TCF20: variants seen among roughly 807,000 people sequenced by gnomAD.
The protein encoded by TCF20 is SPRE-binding protein.
A neutral mutation model predicts 148.6 loss-of-function variants in TCF20; 3 were observed. The observed-to-expected ratio is 0.02, with a 90% CI of 0.01 to 0.05. The LOEUF is 0.05. TCF20 is among the 10% of genes least tolerant of loss of function. The pLI is 1.00. For synonymous variants in TCF20, 1,049 were observed against 909.5 expected (o/e 1.15, Z -2.76); for missense variants, 2,350 against 2,429.3 (o/e 0.97, Z 0.69).
chr22:42,219,351 G>C (rs892796454), intron 1 of TCF20, among the ~76,000 whole-genome samples: 34 of 22,314 alleles, frequency 1.5e-3, no homozygotes, highest in African/African-American at 0.011. Flanking sequence ...CAGTAACCCT[G>C]TCTCAAAAAA....
chr22:42,209,789 C>G lies in TCF20; in HGVS notation c.5517G>C (p.Glu1839Asp), dbSNP rs1920925925. The G allele has an allele frequency of 6.2e-7, 1 of 1,614,096 alleles. No homozygotes were observed. The highest frequency in any genetic ancestry group is 8.5e-7 in the Non-Finnish European group (1 of 1,180,052). Residue 1839 changes from glutamate to aspartate, a missense_variant, in exon 2 of 6, where the codon GAG becomes GAC. This residue lies in a region of TCF20 where 374 missense variants were observed against 398.3 expected (regional missense o/e 0.94). Coordinates refer to ENST00000677622, the MANE Select transcript of TCF20 (RefSeq NM_001378418.1). ...CAAGAGGTAGTTCAGGGATTTGTAA[C>G]TCCAGCTCAGGGCCACCTTCTGAAG... The part of the protein sequence containing the change: ...PTTSEGGPEL[E>D]LQIPELPLDS...
chr22:42,209,658 C>G lies in TCF20; in HGVS notation c.5648G>C (p.Arg1883Thr). 1 of 1,602,688 alleles carries G rather than the reference C, an allele frequency of 6.2e-7. No homozygotes were observed. The highest frequency in any genetic ancestry group is 8.5e-7 in the Non-Finnish European group (1 of 1,175,070). The stretch of plus-strand genomic sequence containing the variant: ...GAGATTTCTCATACTCACCATCTCT[C>G]TGGCTATTTCCAGCGCTTCCTGCAG... ...YGLQEALEIAREMKCSHCQEA... is the reference protein window; with the variant it reads ...YGLQEALEIATEMKCSHCQEA... The change falls in exon 2 of 6, where the codon AGA becomes ACA. Residue 1883 changes from arginine to threonine, a missense_variant. By Grantham distance (71) the Arg-to-Thr change is moderately conservative. Transcript: ENST00000677622.
At position 42,213,420 on chromosome 22, in the gene TCF20, T is replaced by C; in HGVS notation, c.1886A>G (p.Glu629Gly). The C allele has an allele frequency of 6.2e-7, 1 of 1,614,204 alleles. No individual in the cohort carries two copies. Among genetic ancestry groups the C allele is most frequent in the Non-Finnish European group, 8.5e-7 (1 of 1,180,032 alleles). ...CCTTTGAGTGGCTGCAGGATCATCC[T>C]CTTGGGAGCCTTTATCTTGTCCACC... ...KPGGQDKGSQ[E>G]DDPAATQRPP... The change falls in exon 2 of 6, where the codon GAG (glutamate) becomes GGG (glycine). Residue 629 changes from glutamate to glycine, a missense_variant. By Grantham distance (98) the Glu-to-Gly change is moderately conservative. Coordinates refer to ENST00000677622, the MANE Select transcript of TCF20 (RefSeq NM_001378418.1).
At chr22:42,294,020 C>T (rs552549015) in intron 1 of TCF20, among the ~76,000 whole-genome samples, 4 of 152,320 alleles carry the variant, frequency 2.6e-5, no homozygotes, top group Admixed American at 6.5e-5. Flanking sequence ...CTCAGCTGCC[C>T]ATGTCTCCAT....
intron 1 of TCF20, among the ~76,000 whole-genome samples, chr22:42,249,359 T>C (rs373652035): frequency 1.2e-4 from 19 of 152,356 alleles, no homozygotes; most frequent in African/African-American, 3.8e-4. Flanking sequence ...CCCTCATATC[T>C]ATACACATAT....
intron 3 of TCF20, among the ~76,000 whole-genome samples, 158 bp downstream of exon 3, chr22:42,179,451 G>C (rs1438991801): frequency 4.5e-5 from 6 of 134,592 alleles, no homozygotes; most frequent in Middle Eastern, 4.5e-3. Context: ...GAAGGGAGAT[G>C]AGTGCTGCTA....
At chr22:42,305,934 G>C (rs894416678) in intron 1 of TCF20, among the ~76,000 whole-genome samples, 2 of 152,228 alleles carry the variant, frequency 1.3e-5, no homozygotes, top group Admixed American at 1.3e-4. Context: ...GCTCCTGGGG[G>C]CTCGGAGACC....
At chr22:42,237,842 TA>T (rs1456385857) in intron 1 of TCF20, among the ~76,000 whole-genome samples, 16 of 152,368 alleles carry the variant, frequency 1.1e-4, no homozygotes, top group African/African-American at 3.8e-4. Flanking sequence ...ACAGTGGCCT[TA>T]AAATATTCAT....
intron 1 of TCF20, among the ~76,000 whole-genome samples, chr22:42,335,901 G>C (rs545266764): frequency 1.3e-5 from 2 of 152,124 alleles, no homozygotes; most frequent in African/African-American, 4.8e-5. Flanking sequence ...CTTTACCCCC[G>C]AGGCCACCTG....
At chr22:42,323,637 C>T (rs184695244) in intron 1 of TCF20, among the ~76,000 whole-genome samples, 3 of 151,872 alleles carry the variant, frequency 2.0e-5, no homozygotes, top group East Asian at 1.9e-4. Context: ...GGAGGAGAAG[C>T]GGGAAGCAGG....
chr22:42,218,018 T>C (rs1215469109), intron 1 of TCF20, among the ~76,000 whole-genome samples: 1 of 152,272 alleles, frequency 6.6e-6, no homozygotes, highest in East Asian at 1.9e-4. Flanking sequence ...TCTCATCCTA[T>C]TCAAAATGCC....
In TCF20 at chr22:42,211,941, C is replaced by G. The variant is rs201579532; in HGVS notation, c.3365G>C (p.Ser1122Thr). ...AQHRQEGPRK[S>T]PRQQQFLDRV... Reference sequence around the variant, plus strand: ...GTCAAGAAACTGCTGCTGCCTTGGACTCTTCCGTGGCCCCTCCTGCCTGTG... The same window carrying G: ...GTCAAGAAACTGCTGCTGCCTTGGAGTCTTCCGTGGCCCCTCCTGCCTGTG... The change falls in exon 2 of 6, where the codon AGT becomes ACT. Residue 1122 changes from serine (S) to threonine (T), a missense_variant. Physicochemically the swap from Ser to Thr is moderately conservative, Grantham distance 58. Transcript: ENST00000677622. 6.2e-7 allele frequency: 1 copy of G among 1,614,234 alleles called. No individual in the cohort carries two copies. Among genetic ancestry groups the G allele is most frequent in the East Asian group, 2.2e-5 (1 of 44,886 alleles).
At chr22:42,187,559 C>T (rs1006540866) in intron 2 of TCF20, among the ~76,000 whole-genome samples, 2 of 152,136 alleles carry the variant, frequency 1.3e-5, no homozygotes, top group African/African-American at 2.4e-5. Context: ...TGAGTGTGGC[C>T]GTTTTGGCGG....
intron 1 of TCF20, among the ~76,000 whole-genome samples, chr22:42,233,095 A>G (rs1923579465): frequency 6.6e-6 from 1 of 151,918 alleles, no homozygotes; most frequent in Non-Finnish European, 1.5e-5. Flanking sequence ...TAATTTTTGT[A>G]TTTTTAGTAG....
rs563102271 is a variant in TCF20, at chr22:42,232,776, G to C, written c.-36-17435C>G. ...ATCGTGCCACTGCGCTCCAGCCTGG[G>C]CAACAGAGCAAGACTCCGTCTCCAA... On this transcript the variant is annotated intron_variant, in intron 1 of 5. Coordinates refer to ENST00000677622, the MANE Select transcript of TCF20 (RefSeq NM_001378418.1). Among the ~76,000 whole-genome samples, 98 of 145,154 alleles carry C rather than the reference G, an allele frequency of 6.8e-4. 1 individual carries two copies. The highest frequency in any genetic ancestry group is 1.9e-3 in the African/African-American group (77 of 39,614).
upstream of TCF20, among the ~76,000 whole-genome samples, chr22:42,270,902 C>T (rs1181118774): frequency 6.6e-6 from 1 of 151,846 alleles, no homozygotes; most frequent in Non-Finnish European, 1.5e-5. Context: ...GCGCCGCGCG[C>T]CACCCGCCCA....
At chr22:42,242,014 A>C (rs1321209423) in intron 1 of TCF20, among the ~76,000 whole-genome samples, 1 of 151,938 alleles carries the variant, frequency 6.6e-6, no homozygotes, top group Non-Finnish European at 1.5e-5. Context: ...CATCCTGGCT[A>C]ACACAGTGAA....
intron 1 of TCF20, among the ~76,000 whole-genome samples, chr22:42,303,976 T>G (rs1040831596): frequency 1.3e-5 from 2 of 151,768 alleles, no homozygotes; most frequent in African/African-American, 4.8e-5. Context: ...CTCTCCCAGG[T>G]GCCTGGCAGA....
At chr22:42,252,018 A>G (rs969921011) in intron 1 of TCF20, among the ~76,000 whole-genome samples, 2 of 150,980 alleles carry the variant, frequency 1.3e-5, no homozygotes, top group Admixed American at 6.6e-5. Context: ...AGCCTGGCCA[A>G]CGTGGCAAAA....
Sources: gnomAD v4.1 joint callset for allele counts (sites outside exome capture counted in the v4.1 genomes callset) on GRCh38, gnomAD v4.1.1 for gene constraint, gnomAD v4.1.1 regional missense constraint, MANE v1.5 for transcripts, NCBI Gene and HGNC (gene_info 2026-07-23, HGNC 2026-07-21) for gene names.